MAMSTR: variants seen among roughly 807,000 people sequenced by gnomAD.
MAMSTR encodes MEF2-activating motif and SAP domain-containing transcriptional regulator.
MAMSTR carries 41 observed loss-of-function variants against 42.7 expected under a neutral mutation model. The ratio of observed to expected loss-of-function variants is 0.96; its 90% CI spans 0.75 to 1.25. The LOEUF is 1.25. MAMSTR is among the 50% of genes most tolerant of loss of function. The pLI is 0.00. For missense variants in MAMSTR, 567 were observed against 557.6 expected (o/e 1.02, Z -0.17); for synonymous variants, 265 against 244.1 (o/e 1.09, Z -0.80).
Position 48,714,396 on chromosome 19 carries a change from CT to C in MAMSTR, c.692del (p.Lys231ArgfsTer48). On this transcript the variant is annotated frameshift_variant, in exon 7 of 10. Coordinates refer to ENST00000318083, the MANE Select transcript of MAMSTR (RefSeq NM_001130915.2). LOFTEE classifies it high-confidence loss of function. ...CCTGACGCCGGGCGGCTGCCAGGGC[CT>C]TGGGCTTGAGGCGCGGCCAGGGAGC... ...AGAPWPRLKP[K>X]ALAAARRQGS... 7.2e-7 allele frequency: 1 copy of C among 1,385,980 alleles called. No individual in the cohort carries two copies. The allele number at this position is 1,385,980 out of a possible 1,614,324, so 85.9% of individuals were successfully genotyped here.
rs80032263 is a variant in MAMSTR, at chr19:48,715,601, C to A, written c.240+24G>T. 978 of 1,517,966 alleles carry A rather than the reference C, an allele frequency of 6.4e-4. 2 individuals carry two copies. The East Asian group carries it at 0.014, about 22-fold the overall frequency. The allele number at this position is 1,517,966 out of a possible 1,614,324, so 94.0% of individuals were successfully genotyped here. On this transcript the variant is annotated intron_variant, in intron 4 of 9. Transcript: ENST00000318083. Reference sequence around the variant, plus strand: ...GACAAAGACTAGGCTCTCAGAGGGACCTCTCCCTCCAGTCGAGACTCACCT... The same window carrying A: ...GACAAAGACTAGGCTCTCAGAGGGAACTCTCCCTCCAGTCGAGACTCACCT...
At chr19:48,711,502 G>C (rs1454242384), downstream of MAMSTR, among the ~76,000 whole-genome samples, 1 of 152,198 alleles carries the variant, frequency 6.6e-6, no homozygotes, top group Non-Finnish European at 1.5e-5. Flanking sequence ...GCATTTGTGA[G>C]CAGTCATAGA....
chr19:48,716,809 C>A (rs2033056895), intron 2 of MAMSTR, 66 bp from the exon 3 acceptor site: 10 of 1,265,314 alleles, frequency 7.9e-6, no homozygotes, highest in African/African-American at 1.5e-5. Context: ...CCTGGCCTGG[C>A]AGGCTGGTGG....
chr19:48,715,650 C>G lies in MAMSTR; in HGVS notation c.215G>C (p.Cys72Ser), dbSNP rs972206959. The G allele has an allele frequency of 5.8e-6, 9 of 1,543,682 alleles. No homozygotes were observed. The Middle Eastern group carries it at 6.7e-4, about 115-fold the overall frequency. The part of the protein sequence containing the change: ...PGVLLPEPEY[C>S]PPWRSPKKES... ...CTTCTTTGGGGACCTCCAAGGAGGA[C>G]AATATTCTGGCTCGGGGAGCAGGAC... The change falls in exon 4 of 10, where the codon TGT (cysteine) becomes TCT (serine). Residue 72 changes from cysteine (C) to serine (S), a missense_variant. Coordinates refer to ENST00000318083, the MANE Select transcript of MAMSTR (RefSeq NM_001130915.2).
chr19:48,713,290 C>T lies in MAMSTR; in HGVS notation c.1225G>A (p.Asp409Asn). The change falls in exon 10 of 10, where the codon GAC becomes AAC. Residue 409 changes from aspartate to asparagine, a missense_variant. By Grantham distance (23) the Asp-to-Asn change is conservative (BLOSUM62 1). Coordinates refer to ENST00000318083, the MANE Select transcript of MAMSTR (RefSeq NM_001130915.2). ...LSDSSSSRLW[D>N]LLEDPW The stretch of plus-strand genomic sequence containing the variant: ...CATCACCATGGATCCTCCAGCAGGT[C>T]CCACAGCCGGCTGCTGCTGGAGTCA... The T allele has an allele frequency of 1.9e-6, 3 of 1,603,080 alleles. No individual in the cohort carries two copies. In the Admixed American group the frequency reaches 5.4e-5, roughly 29 times the overall value.
chr19:48,711,358 T>C (rs559588379), downstream of MAMSTR, among the ~76,000 whole-genome samples: 1 of 152,082 alleles, frequency 6.6e-6, no homozygotes, highest in South Asian at 2.1e-4. Context: ...CTTCATGCTA[T>C]CCCCACCACG....
At chr19:48,708,656 C>T (rs58572378), downstream of MAMSTR, among the ~76,000 whole-genome samples, 29 of 152,278 alleles carry the variant, frequency 1.9e-4, no homozygotes, top group East Asian at 5.0e-3. Context: ...GGCCCTGACT[C>T]CTTGGGGCAG....
chr19:48,710,144 T>G (rs987982222), downstream of MAMSTR, among the ~76,000 whole-genome samples: 4 of 151,428 alleles, frequency 2.6e-5, no homozygotes, highest in Non-Finnish European at 2.9e-5. Flanking sequence ...TTTGTTTTTT[T>G]AAGATGGAGT....
In MAMSTR at chr19:48,714,438, C is replaced by G. The variant is rs763375368; in HGVS notation, c.651G>C (p.Glu217Asp). Residue 217 changes from glutamate (E) to aspartate (D), a missense_variant, in exon 7 of 10, where the codon GAG becomes GAC. Glu to Asp is a conservative substitution (Grantham distance 45). Transcript: ENST00000318083. ...GCCAGGGAGCACCCGCGGGACTGTC[C>G]TCGCGCCGCGGCTTCGGCCGCTCGC... is the stretch of plus-strand genomic sequence containing the variant. ...PPRERPKPRR[E>D]DSPAGAPWPR... 1.5e-6 allele frequency: 2 copies of G among 1,368,968 alleles called. No individual in the cohort carries two copies. The highest frequency in any genetic ancestry group is 2.1e-4 in the Middle Eastern group (1 of 4,662). 84.8% of individuals were successfully genotyped at this position (1,368,968 alleles called of 1,614,324 possible).
At chr19:48,708,567 G>A (rs989604378), downstream of MAMSTR, among the ~76,000 whole-genome samples, 1 of 152,062 alleles carries the variant, frequency 6.6e-6, no homozygotes, top group South Asian at 2.1e-4. Context: ...TTGGGCGCTC[G>A]GCAGTGCCGG....
chr19:48,711,677 A>G (rs1055771231), downstream of MAMSTR, among the ~76,000 whole-genome samples: 8 of 143,846 alleles, frequency 5.6e-5, no homozygotes, highest in African/African-American at 1.6e-4. Context: ...GTTTCAAGTG[A>G]TTCTCCTGCC....
downstream of MAMSTR, among the ~76,000 whole-genome samples, chr19:48,708,450 A>G (rs80214367): frequency 0.02 from 3,036 of 152,202 alleles, 90 homozygotes; most frequent in African/African-American, 0.067. Context: ...AGATCAGAGG[A>G]AAGAAGGAAG....
At chr19:48,710,789 A>G (rs2032711222), downstream of MAMSTR, among the ~76,000 whole-genome samples, 3 of 151,698 alleles carry the variant, frequency 2.0e-5, no homozygotes, top group South Asian at 6.2e-4. Flanking sequence ...GGGTTTCACC[A>G]TATTGGTCAG....
intron 7 of MAMSTR, 123 bp downstream of exon 7, chr19:48,714,243 C>T: frequency 9.9e-7 from 1 of 1,011,554 alleles, no homozygotes. Flanking sequence ...CGTCCCCTCG[C>T]CTTCAAGGCT....
chr19:48,718,380 C>CT (rs796615883), intron 2 of MAMSTR, among the ~76,000 whole-genome samples: 3,843 of 95,080 alleles, frequency 0.04, 136 homozygotes, highest in Middle Eastern at 0.079. Flanking sequence ...TTGCACACTT[C>CT]TTTTTTTTTT....
Position 48,713,181 on chromosome 19 carries a change from G to A in MAMSTR, c.*86C>T. 7.8e-7 allele frequency: 1 copy of A among 1,289,174 alleles called. No individual in the cohort carries two copies. The highest frequency in any genetic ancestry group is 1.6e-5 in the South Asian group (1 of 63,960). 79.9% of individuals were successfully genotyped at this position (1,289,174 alleles called of 1,614,324 possible). A position where few individuals can be genotyped will look rare whatever the true frequency, so the allele number is the denominator to read the frequency against. The stretch of plus-strand genomic sequence containing the variant: ...TCCGATCCTGTGTCTGCGGTAGGAG[G>A]GGCTCTGCTGGTAGTTCCCTCTCCT... On this transcript the variant is annotated 3_prime_UTR_variant, in exon 10 of 10. Transcript: ENST00000318083.
chr19:48,712,379 C>T (rs2032747517), downstream of MAMSTR, among the ~76,000 whole-genome samples: 1 of 151,906 alleles, frequency 6.6e-6, no homozygotes, highest in Non-Finnish European at 1.5e-5. Context: ...TTTCCCCACT[C>T]TTCTGCTGGT....
downstream of MAMSTR, among the ~76,000 whole-genome samples, chr19:48,708,354 G>A (rs982349938): frequency 1.3e-5 from 2 of 152,072 alleles, no homozygotes; most frequent in African/African-American, 4.8e-5. Flanking sequence ...GAGGGAGTAC[G>A]TTTATAATAT....
At chr19:48,715,899 A>C (rs2033001620) in intron 3 of MAMSTR, 132 bp from the exon 4 acceptor site, 1 of 1,447,654 alleles carries the variant, frequency 6.9e-7, no homozygotes, top group African/African-American at 1.5e-5. Flanking sequence ...TTGCTGGGAG[A>C]TGGGCGCCTG....
Sources: allele counts gnomAD v4.1 joint callset (sites outside exome capture counted in the v4.1 genomes callset), GRCh38; gene constraint gnomAD v4.1.1; transcripts MANE v1.5; gene names NCBI Gene and HGNC (gene_info 2026-07-23, HGNC 2026-07-21).